ADAMTSL1: variants seen among roughly 807,000 people sequenced by gnomAD.
The protein encoded by ADAMTSL1 is ADAMTS-like protein 1.
Under a neutral mutation model 201.8 loss-of-function variants are expected in ADAMTSL1, and 126 were observed. The observed-to-expected ratio is 0.62, with a 90% CI of 0.54 to 0.72. The LOEUF is 0.72. ADAMTSL1 is among the 30% of genes least tolerant of loss of function. The pLI, the probability that ADAMTSL1 is intolerant of heterozygous loss-of-function variation, is 0.00. For synonymous variants in ADAMTSL1, 1,121 were observed against 903.4 expected, an observed-to-expected ratio of 1.24 and a Z score of -4.32; for missense variants, 2,679 against 2,277.8, an observed-to-expected ratio of 1.18 and a Z score of -3.59.
chr9:18,008,254 G>A (rs192336472), intron 1 of ADAMTSL1, among the ~76,000 whole-genome samples: 1 of 152,076 alleles, frequency 6.6e-6, no homozygotes, highest in Admixed American at 6.6e-5. Context: ...AGTTCTTGCT[G>A]TTCAGGAATT....
At chr9:18,112,690 G>A (rs1190686626) in intron 1 of ADAMTSL1, among the ~76,000 whole-genome samples, 1 of 152,084 alleles carries the variant, frequency 6.6e-6, no homozygotes, top group Non-Finnish European at 1.5e-5. Context: ...GGAGACAGTT[G>A]CACAATACAC....
intron 9 of ADAMTSL1, among the ~76,000 whole-genome samples, chr9:18,671,119 A>G (rs999816551): frequency 1.3e-5 from 2 of 152,138 alleles, no homozygotes; most frequent in Non-Finnish European, 2.9e-5. Flanking sequence ...TTTTTCTTCA[A>G]ATATTTTCAG....
At chr9:18,128,730 C>T (rs926310137) in intron 1 of ADAMTSL1, among the ~76,000 whole-genome samples, 1 of 152,014 alleles carries the variant, frequency 6.6e-6, no homozygotes, top group Non-Finnish European at 1.5e-5. Context: ...ATCTCTCTCT[C>T]CCCCCTTTTT....
At chr9:18,057,208 A>G (rs980445968) in intron 1 of ADAMTSL1, among the ~76,000 whole-genome samples, 1 of 152,074 alleles carries the variant, frequency 6.6e-6, no homozygotes, top group Non-Finnish European at 1.5e-5. Context: ...CACAAAAAGA[A>G]TTACTGTGCA....
chr9:18,290,545 T>C (rs1298917044), intron 2 of ADAMTSL1, among the ~76,000 whole-genome samples: 1 of 152,056 alleles, frequency 6.6e-6, no homozygotes, highest in Admixed American at 6.6e-5. Context: ...AGTTTTAAAA[T>C]GGCTCTCTCA....
intron 4 of ADAMTSL1, among the ~76,000 whole-genome samples, chr9:18,588,902 T>TATATATATATATATATATATATAC (rs1177277949): frequency 2.6e-5 from 3 of 116,760 alleles, no homozygotes; most frequent in African/African-American, 6.0e-5. Context: ...TATATATATA[T>TATATATATATATATATATATATAC]ACATATATAT....
intron 3 of ADAMTSL1, among the ~76,000 whole-genome samples, chr9:18,558,841 C>G (rs1274598645): frequency 6.6e-6 from 1 of 152,070 alleles, no homozygotes; most frequent in East Asian, 1.9e-4. Flanking sequence ...ATCATTTGCC[C>G]ACTTTTTGAT....
intron 1 of ADAMTSL1, among the ~76,000 whole-genome samples, chr9:17,976,017 A>G (rs1441154341): frequency 1.3e-5 from 2 of 152,054 alleles, no homozygotes; most frequent in Non-Finnish European, 2.9e-5. Flanking sequence ...TTTGTTGAAG[A>G]TTACTTCACT....
At chr9:18,463,776 T>C (rs937649698) in intron 2 of ADAMTSL1, among the ~76,000 whole-genome samples, 6 of 152,244 alleles carry the variant, frequency 3.9e-5, no homozygotes, top group Admixed American at 1.3e-4. Flanking sequence ...TGGGTTGCTT[T>C]TATTTTTTGC....
chr9:18,084,107 T>C (rs1015452642), intron 1 of ADAMTSL1, among the ~76,000 whole-genome samples: 1 of 152,314 alleles, frequency 6.6e-6, no homozygotes, highest in African/African-American at 2.4e-5. Context: ...CCAAACAAAT[T>C]CTTTGCCATG....
At chr9:18,830,065 C>T (rs1445926125) in intron 23 of ADAMTSL1, 88 bp downstream of exon 23, 6 of 1,500,732 alleles carry the variant, frequency 4.0e-6, no homozygotes, top group Non-Finnish European at 5.4e-6. Context: ...GGGAAGGAGG[C>T]AGCAGTCGGG....
chr9:18,549,667 G>T (rs776625476), intron 3 of ADAMTSL1, among the ~76,000 whole-genome samples: 4 of 151,974 alleles, frequency 2.6e-5, no homozygotes, highest in Non-Finnish European at 4.4e-5. Flanking sequence ...AGTTAGACAT[G>T]ACCACATATG....
intron 2 of ADAMTSL1, among the ~76,000 whole-genome samples, chr9:18,165,717 G>A (rs1461909769): frequency 6.6e-6 from 1 of 151,902 alleles, no homozygotes; most frequent in Non-Finnish European, 1.5e-5. Flanking sequence ...ACTACCAGAA[G>A]CTACTTCAGT....
rs556932839 is a variant in ADAMTSL1 at position 18,764,478 on chromosome 9, C to T, written c.2218-6124C>T. Among the ~76,000 whole-genome samples the T allele has an allele frequency of 6.6e-5, 10 of 152,214 alleles. No individual in the cohort carries two copies. In the East Asian group the frequency reaches 1.9e-3, roughly 29 times the overall value. On this transcript the variant is annotated intron_variant, in intron 16 of 28. Coordinates refer to ENST00000380548, the MANE Select transcript of ADAMTSL1 (RefSeq NM_001040272.6). ...ACTTCTTTCTTTCCAATTTGGATGC[C>T]ATTTATATCCTTCTCTTGTCTTACT...
intron 2 of ADAMTSL1, among the ~76,000 whole-genome samples, chr9:18,527,653 G>T (rs965005718): frequency 6.6e-6 from 1 of 152,104 alleles, no homozygotes; most frequent in Non-Finnish European, 1.5e-5. Flanking sequence ...AGTTTAGATG[G>T]TGTATTATGC....
chr9:18,351,175 A>G (rs1035044766), intron 2 of ADAMTSL1, among the ~76,000 whole-genome samples: 1 of 151,960 alleles, frequency 6.6e-6, no homozygotes, highest in Non-Finnish European at 1.5e-5. Context: ...GCAAGACACT[A>G]CATCATCTGG....
At chr9:18,560,008 C>G (rs1310821290) in intron 3 of ADAMTSL1, among the ~76,000 whole-genome samples, 5 of 152,232 alleles carry the variant, frequency 3.3e-5, no homozygotes, top group Non-Finnish European at 7.4e-5. Context: ...ATTTCTTTCT[C>G]TTGCCTGATT....
At chr9:18,086,852 T>A (rs1289927469) in intron 1 of ADAMTSL1, among the ~76,000 whole-genome samples, 1 of 152,240 alleles carries the variant, frequency 6.6e-6, no homozygotes, top group Non-Finnish European at 1.5e-5. Context: ...CGTATTTTTT[T>A]ATTTCAAGTG....
intron 1 of ADAMTSL1, among the ~76,000 whole-genome samples, chr9:17,919,713 G>T (rs986525371): frequency 2.0e-5 from 3 of 151,920 alleles, no homozygotes; most frequent in African/African-American, 7.3e-5. Flanking sequence ...TTGTTTATTT[G>T]TTCATCTACC....
Sources: gnomAD v4.1 joint callset for allele counts (sites outside exome capture counted in the v4.1 genomes callset) on GRCh38, gnomAD v4.1.1 for gene constraint, MANE v1.5 for transcripts, NCBI Gene and HGNC (gene_info 2026-07-23, HGNC 2026-07-21) for gene names.